RELCH: variants seen among roughly 807,000 people sequenced by gnomAD.
The protein encoded by RELCH is RAB11 binding and LisH domain, coiled-coil and HEAT repeat containing.
A neutral mutation model predicts 150.3 loss-of-function variants in RELCH; 41 were observed. The observed-to-expected ratio is 0.27, with a 90% CI of 0.21 to 0.35. RELCH has a LOEUF of 0.35. Ranked by LOEUF, RELCH falls within the 10% of genes least tolerant of loss-of-function variation. The pLI is 1.00. For synonymous variants in RELCH, 478 were observed against 531.8 expected, an observed-to-expected ratio of 0.90 and a Z score of 1.39; for missense variants, 1,092 against 1,467.8, an observed-to-expected ratio of 0.74 and a Z score of 4.18.
intron 5 of RELCH, among the ~76,000 whole-genome samples, chr18:62,226,268 C>A (rs1398119645): frequency 6.6e-6 from 1 of 152,072 alleles, no homozygotes; most frequent in Non-Finnish European, 1.5e-5. Flanking sequence ...TGAAGCTCTT[C>A]TAAAGATCTT....
chr18:62,275,605 C>T (rs1336712446), intron 22 of RELCH, 132 bp downstream of exon 22: 2 of 657,308 alleles, frequency 3.0e-6, no homozygotes, highest in Non-Finnish European at 5.4e-6. Flanking sequence ...TGGCTTTGAA[C>T]AGTGTCTGGT....
At chr18:62,279,662 T>G in intron 22 of RELCH, 112 bp from the exon 23 acceptor site, 3 of 676,484 alleles carry the variant, frequency 4.4e-6, no homozygotes, top group South Asian at 4.0e-5. Context: ...ATTTTGGTTT[T>G]GCTTTTGTGT....
Position 62,211,260 on chromosome 18 carries a change from G to T in RELCH, c.616+18G>T, listed in dbSNP as rs768052801. 2 of 1,435,288 alleles carry T rather than the reference G, an allele frequency of 1.4e-6. No individual in the cohort carries two copies. The highest frequency in any genetic ancestry group is 3.4e-5 in the Admixed American group (2 of 58,000). 88.9% of individuals were successfully genotyped at this position (1,435,288 alleles called of 1,614,324 possible). ...AGTGGCAGGTGAGTAAAATTGTAAG[G>T]ACAGATTTGGATTCTTTGACATTCC... On this transcript the variant is annotated intron_variant, in intron 2 of 28. Coordinates refer to ENST00000644646, the MANE Select transcript of RELCH (RefSeq NM_001346231.2).
chr18:62,243,988 C>A (rs928200643), intron 10 of RELCH, among the ~76,000 whole-genome samples: 5 of 151,874 alleles, frequency 3.3e-5, no homozygotes, highest in African/African-American at 1.2e-4. Flanking sequence ...GACCATTATT[C>A]TTCTTGGATT....
In RELCH at chr18:62,305,397, T is replaced by C; in HGVS notation, c.3531-17T>C. 6.3e-7 allele frequency: 1 copy of C among 1,576,968 alleles called. No homozygotes were observed. Among genetic ancestry groups the C allele is most frequent in the Non-Finnish European group, 8.6e-7 (1 of 1,167,646 alleles). ...TTTTTTAATTGCTTTACATGAATTT[T>C]AAATTTTCTTTCCTAGCTCAATGTC... On this transcript the variant is annotated splice_polypyrimidine_tract_variant and intron_variant, in intron 28 of 28. Transcript: ENST00000644646. The surrounding 1 kb of genome is among the most constrained non-coding windows in gnomAD (Gnocchi z 4.0).
At chr18:62,272,658 T>G (rs1352985645) in intron 20 of RELCH, among the ~76,000 whole-genome samples, 2 of 152,134 alleles carry the variant, frequency 1.3e-5, no homozygotes, top group Non-Finnish European at 1.5e-5. Flanking sequence ...GTAAATTACA[T>G]TAAACAAAAA....
chr18:62,252,946 A>G (rs772093941), intron 12 of RELCH, among the ~76,000 whole-genome samples, 192 bp downstream of exon 12: 100 of 152,292 alleles, frequency 6.6e-4, no homozygotes, highest in Middle Eastern at 3.4e-3. Context: ...TTCAGTCAAC[A>G]AGTACTTATG....
At chr18:62,218,030 G>A (rs1386071240) in intron 2 of RELCH, among the ~76,000 whole-genome samples, 1 of 151,958 alleles carries the variant, frequency 6.6e-6, no homozygotes, top group Non-Finnish European at 1.5e-5. Flanking sequence ...CCTAGTAAAG[G>A]TGATGATAGT....
At chr18:62,271,763 T>A (rs1243039963) in intron 20 of RELCH, among the ~76,000 whole-genome samples, 1 of 152,238 alleles carries the variant, frequency 6.6e-6, no homozygotes, top group Non-Finnish European at 1.5e-5. Context: ...TTAATTTTTG[T>A]ATAAGGTGTA....
chr18:62,292,915 A>G (rs575271238), intron 27 of RELCH, among the ~76,000 whole-genome samples: 1 of 152,260 alleles, frequency 6.6e-6, no homozygotes, highest in South Asian at 2.1e-4. Context: ...CTACAGCCAA[A>G]GTACTTTTCC....
At chr18:62,270,658 A>G (rs1299114481) in intron 20 of RELCH, among the ~76,000 whole-genome samples, 1 of 151,758 alleles carries the variant, frequency 6.6e-6, no homozygotes, top group Non-Finnish European at 1.5e-5. Flanking sequence ...TATTTTTATT[A>G]TTATACTTTA....
Position 62,187,688 on chromosome 18 carries a change from G to A in RELCH, c.183G>A (p.Val61=). The A allele has an allele frequency of 6.3e-7, 1 of 1,586,456 alleles. No homozygotes were observed. The highest frequency in any genetic ancestry group is 1.1e-5 in the South Asian group (1 of 88,320). Residue 61 remains valine (V), a synonymous_variant, in exon 1 of 29, where the codon GTG becomes GTA. Coordinates refer to ENST00000644646, the MANE Select transcript of RELCH (RefSeq NM_001346231.2). Reference sequence around the variant, plus strand: ...GCTCGCTGTCGCCACAGGATCCCGTGGCCTTAGGAAGCAGTGCGCGGCCAG... The same window carrying A: ...GCTCGCTGTCGCCACAGGATCCCGTAGCCTTAGGAAGCAGTGCGCGGCCAG... ...SAGSLSPQDP[V]ALGSSARPGL...
intron 18 of RELCH, 31 bp downstream of exon 18, chr18:62,264,883 TG>T: frequency 6.4e-7 from 1 of 1,555,904 alleles, no homozygotes; most frequent in Non-Finnish European, 8.8e-7. Context: ...TTTTCTTATA[TG>T]AAAAAGACAT....
At chr18:62,304,404 C>T (rs886677841) in intron 28 of RELCH, among the ~76,000 whole-genome samples, 1 of 152,208 alleles carries the variant, frequency 6.6e-6, no homozygotes, top group Admixed American at 6.5e-5. Flanking sequence ...ACAGTGCACA[C>T]CCTTATAGAC....
At chr18:62,264,586 C>T (rs2144726830) in intron 17 of RELCH, 143 bp from the exon 18 acceptor site, 1 of 629,412 alleles carries the variant, frequency 1.6e-6, no homozygotes, top group East Asian at 2.7e-5. Flanking sequence ...ATCTTACAAC[C>T]TATTCAGAGG....
chr18:62,308,319 T>C lies in RELCH; in HGVS notation c.*2785T>C, dbSNP rs549490067. 1.3e-5 allele frequency: 2 copies of C among 152,362 alleles called. No individual in the cohort carries two copies. Among genetic ancestry groups the C allele is most frequent in the East Asian group, 1.9e-4 (1 of 5,184 alleles). 9.4% of individuals were successfully genotyped at this position (152,362 alleles called of 1,614,324 possible). ...TTGAACTGCAGTAGCTAACTACAGC[T>C]AACATTCTGTGCTGGTTATATTTTC... On this transcript the variant is annotated 3_prime_UTR_variant, in exon 29 of 29. Coordinates refer to ENST00000644646, the MANE Select transcript of RELCH (RefSeq NM_001346231.2).
chr18:62,221,124 C>G lies in RELCH; in HGVS notation c.688+16C>G. The G allele has an allele frequency of 2.5e-6, 4 of 1,612,044 alleles. No individual in the cohort carries two copies. The highest frequency in any genetic ancestry group is 3.4e-6 in the Non-Finnish European group (4 of 1,178,664). Reference sequence around the variant, plus strand: ...AAGGCCGCAGGTGGTGTACATAAAACTTTTTTGAGACTTTTCAACTTTGAC... The same window carrying G: ...AAGGCCGCAGGTGGTGTACATAAAAGTTTTTTGAGACTTTTCAACTTTGAC... On this transcript the variant is annotated intron_variant, in intron 3 of 28. Transcript: ENST00000644646.
At chr18:62,224,519 A>G (rs770279143) in intron 5 of RELCH, among the ~76,000 whole-genome samples, 1 of 152,134 alleles carries the variant, frequency 6.6e-6, no homozygotes, top group Non-Finnish European at 1.5e-5. Context: ...TGTATAGAAA[A>G]TCCTATAGAC....
At chr18:62,211,987 G>A (rs1426447255) in intron 2 of RELCH, among the ~76,000 whole-genome samples, 1 of 152,052 alleles carries the variant, frequency 6.6e-6, no homozygotes, top group East Asian at 1.9e-4. Flanking sequence ...ATCCCAATAA[G>A]AAGGACAACA....
Sources: gnomAD v4.1 joint callset for allele counts (sites outside exome capture counted in the v4.1 genomes callset) on GRCh38, gnomAD v4.1.1 for gene constraint, Gnocchi (gnomAD v3.1) non-coding constraint, MANE v1.5 for transcripts, NCBI Gene and HGNC (gene_info 2026-07-23, HGNC 2026-07-21) for gene names.